Variants in RDH11 observed in about 807,000 individuals in gnomAD.
RDH11 encodes HCV core-binding protein HCBP12.
Under a neutral mutation model 33.4 loss-of-function variants are expected in RDH11, and 19 were observed. The ratio of observed to expected loss-of-function variants is 0.57; its 90% CI spans 0.40 to 0.83. The LOEUF (loss-of-function observed/expected upper bound fraction) is 0.83. Ranked by LOEUF, RDH11 falls within the 40% of genes least tolerant of loss-of-function variation. The pLI is 0.00. For synonymous variants in RDH11, 154 were observed against 155.3 expected, an observed-to-expected ratio of 0.99 and a Z score of 0.06; for missense variants, 353 against 389.0, an observed-to-expected ratio of 0.91 and a Z score of 0.78.
chr14:67,679,683 C>T (rs1026682855), intron 6 of RDH11, among the ~76,000 whole-genome samples: 2 of 152,160 alleles, frequency 1.3e-5, no homozygotes, highest in African/African-American at 4.8e-5. Context: ...GGATTACAGG[C>T]ATGAGCCACT....
At chr14:67,694,431 AATATAT>A (rs144995720) in intron 1 of RDH11, among the ~76,000 whole-genome samples, 1 of 140,094 alleles carries the variant, frequency 7.1e-6, no homozygotes, top group African/African-American at 2.6e-5. Context: ...CAGCTCCTGG[AATATAT>A]ATATATATAT....
intron 6 of RDH11, among the ~76,000 whole-genome samples, chr14:67,680,795 A>G (rs114757710): frequency 0.012 from 1,778 of 152,340 alleles, 33 homozygotes; most frequent in African/African-American, 0.041. Flanking sequence ...TGGCATCAGC[A>G]TGGTCACAGT....
Position 67,677,536 on chromosome 14 carries a change from C to A in RDH11, c.*785G>T, listed in dbSNP as rs776699207. ...AGGGCTAGTTAATCCTTAACTAGTC[C>A]CTTCATTTTGTGCATTATCTTCCAG... On this transcript the variant is annotated 3_prime_UTR_variant, in exon 7 of 7. Transcript: ENST00000381346. 4 of 150,342 alleles carry A rather than the reference C, an allele frequency of 2.7e-5. No individual in the cohort carries two copies. The highest frequency in any genetic ancestry group is 5.9e-5 in the Non-Finnish European group (4 of 67,622). 9.3% of individuals were successfully genotyped at this position (150,342 alleles called of 1,614,324 possible).
chr14:67,687,282 A>G (rs1481088938), intron 5 of RDH11, among the ~76,000 whole-genome samples: 1 of 152,126 alleles, frequency 6.6e-6, no homozygotes, highest in Non-Finnish European at 1.5e-5. Flanking sequence ...TAGAATAAAC[A>G]CTAAAATCCT....
chr14:67,695,119 C>G (rs532542879), intron 1 of RDH11, among the ~76,000 whole-genome samples: 1 of 152,322 alleles, frequency 6.6e-6, no homozygotes, highest in East Asian at 1.9e-4. Context: ...TTTCACTTTT[C>G]TCCTTTACAA....
At chr14:67,688,405 T>A (rs1008590811) in intron 5 of RDH11, among the ~76,000 whole-genome samples, 5 of 152,170 alleles carry the variant, frequency 3.3e-5, no homozygotes, top group African/African-American at 1.2e-4. Context: ...TGGAAAGATC[T>A]CCAAGATACT....
rs373554331 is a variant in RDH11, at chr14:67,695,677, C to T, written c.27G>A (p.Leu9=). 3 of 1,614,208 alleles carry T rather than the reference C, an allele frequency of 1.9e-6. No homozygotes were observed. Among genetic ancestry groups the T allele is most frequent in the Non-Finnish European group, 2.5e-6 (3 of 1,180,034 alleles). ...ACAGAAGGAAGGGCAGAAGGAGGAG[C>T]AACAGCGGGAACATGAGCTCAACCA... MVELMFPL[L]LLLLPFLLYM... The change falls in exon 1 of 7, where the codon TTG becomes TTA. Residue 9 remains leucine (L), a synonymous_variant. Transcript: ENST00000381346.
chr14:67,681,981 G>A (rs1234879835), intron 6 of RDH11, among the ~76,000 whole-genome samples: 1 of 152,128 alleles, frequency 6.6e-6, no homozygotes, highest in East Asian at 1.9e-4. Flanking sequence ...TCACTATCAT[G>A]GGAGTGGGTT....
intron 3 of RDH11, 31 bp from the exon 4 acceptor site, chr14:67,691,275 T>A: frequency 2.6e-6 from 4 of 1,527,438 alleles, no homozygotes; most frequent in South Asian, 1.1e-5. Context: ...AGCGTGGAAG[T>A]GGCTAGCCAA....
chr14:67,691,342 G>A, intron 3 of RDH11, 98 bp from the exon 4 acceptor site: 1 of 735,132 alleles, frequency 1.4e-6, no homozygotes, highest in South Asian at 1.6e-5. Context: ...GAGGATGCAG[G>A]ACTTCAATCT....
In RDH11 at chr14:67,688,069, G is replaced by A. The variant is rs953374319; in HGVS notation, c.664+2143C>T. On this transcript the variant is annotated intron_variant, in intron 5 of 6. Transcript: ENST00000381346. ...ATTACAGGTGTGAGCCACCGCGCCC[G>A]GCCTCAGCCTCCACATTCTATCAGT... Among the ~76,000 whole-genome samples the A allele has an allele frequency of 4.0e-5, 6 of 151,898 alleles. 1 individual carries two copies. In the East Asian group the frequency reaches 7.8e-4, roughly 20 times the overall value.
intron 6 of RDH11, among the ~76,000 whole-genome samples, chr14:67,680,436 A>T (rs1004802190): frequency 2.6e-5 from 4 of 152,206 alleles, no homozygotes; most frequent in Non-Finnish European, 5.9e-5. Flanking sequence ...CTTGTAGGCT[A>T]TAAAAACTAA....
chr14:67,695,454 G>T (rs1430699730), intron 1 of RDH11, among the ~76,000 whole-genome samples, 176 bp downstream of exon 1: 5 of 152,230 alleles, frequency 3.3e-5, no homozygotes, highest in African/African-American at 1.2e-4. Context: ...GGGGTCTCGG[G>T]TGTCCTCCTG....
intron 3 of RDH11, 55 bp from the exon 4 acceptor site, chr14:67,691,299 T>A (rs2037747749): frequency 8.2e-7 from 1 of 1,226,856 alleles, no homozygotes. Context: ...TATTACATCT[T>A]AGAAAGCTGC....
At chr14:67,690,775 G>A in intron 4 of RDH11, 1 of 381,802 alleles carries the variant, frequency 2.6e-6, no homozygotes. Context: ...CTGAGGCCAG[G>A]AGTTTAAGTA....
intron 2 of RDH11, 96 bp from the exon 3 acceptor site, chr14:67,692,689 C>T: frequency 5.7e-6 from 8 of 1,401,526 alleles, no homozygotes; most frequent in South Asian, 1.4e-5. Context: ...AAAAAACACA[C>T]ATTTTTACCC....
At position 67,685,081 on chromosome 14, in the gene RDH11, C is replaced by A; in HGVS notation, c.788G>T (p.Gly263Val). 1.9e-6 allele frequency: 3 copies of A among 1,614,074 alleles called. No homozygotes were observed. The highest frequency in any genetic ancestry group is 2.5e-6 in the Non-Finnish European group (3 of 1,179,982). Residue 263 changes from glycine to valine, a missense_variant, in exon 6 of 7, where the codon GGA becomes GTA. Coordinates refer to ENST00000381346, the MANE Select transcript of RDH11 (RefSeq NM_016026.4). The stretch of plus-strand genomic sequence containing the variant: ...GGCACAGTGCAGGCTGGTCTGGGCT[C>A]CCTGCTGAGGAGTCTTGATGAAAAA... Reference protein sequence around the residue: ...FSFFIKTPQQGAQTSLHCALT... With the variant: ...FSFFIKTPQQVAQTSLHCALT...
chr14:67,689,761 T>C (rs1054381827), intron 5 of RDH11, among the ~76,000 whole-genome samples: 1 of 152,080 alleles, frequency 6.6e-6, no homozygotes, highest in South Asian at 2.1e-4. Flanking sequence ...CTGACCAACA[T>C]GGTGAAATCC....
chr14:67,685,166 C>T lies in RDH11; in HGVS notation c.703G>A (p.Val235Ile). 6.2e-7 allele frequency: 1 copy of T among 1,614,164 alleles called. No individual in the cohort carries two copies. The highest frequency in any genetic ancestry group is 8.5e-7 in the Non-Finnish European group (1 of 1,180,032). ...VTTYSVHPGT[V>I]QSELVRHSSF... Reference sequence around the variant, plus strand: ...GAGTGCCGAACCAGTTCAGATTGGACTGTGCCAGGGTGTACAGAATACGTC... The same window carrying T: ...GAGTGCCGAACCAGTTCAGATTGGATTGTGCCAGGGTGTACAGAATACGTC... Residue 235 changes from valine to isoleucine, a missense_variant, in exon 6 of 7, where the codon GTC becomes ATC. By Grantham distance (29) the Val-to-Ile change is conservative. Coordinates refer to ENST00000381346, the MANE Select transcript of RDH11 (RefSeq NM_016026.4).
Sources: allele counts gnomAD v4.1 joint callset (sites outside exome capture counted in the v4.1 genomes callset), GRCh38; gene constraint gnomAD v4.1.1; transcripts MANE v1.5; gene names NCBI Gene and HGNC (gene_info 2026-07-23, HGNC 2026-07-21).